The following AMPH variants were observed in gnomAD, a reference collection of about 807,000 sequenced individuals.
The protein encoded by AMPH is amphiphysin, also known as amphiphysin (Stiff-Mann syndrome with breast cancer 128kD autoantigen).
In AMPH, 49 loss-of-function variants were observed where a neutral mutation model predicts 99.1. The ratio of observed to expected loss-of-function variants is 0.49; its 90% CI spans 0.39 to 0.63. The LOEUF is 0.63. Ranked by LOEUF, AMPH falls within the 20% of genes least tolerant of loss-of-function variation. The probability of loss-of-function intolerance (pLI) is 0.00; values close to 1 mark genes in which losing one functional copy is unlikely to be tolerated. For synonymous variants in AMPH, 314 were observed against 317.3 expected (o/e 0.99, Z 0.11); for missense variants, 759 against 863.4 (o/e 0.88, Z 1.52).
chr7:38,619,151 CTG>C (rs1295725221), intron 1 of AMPH, among the ~76,000 whole-genome samples: 2 of 152,238 alleles, frequency 1.3e-5, no homozygotes, highest in African/African-American at 4.8e-5. Context: ...ATGATCGTGC[CTG>C]TACTCCAGCC....
intron 2 of AMPH, among the ~76,000 whole-genome samples, chr7:38,534,709 T>C (rs1178478688): frequency 1.3e-5 from 2 of 152,112 alleles, no homozygotes; most frequent in Non-Finnish European, 2.9e-5. Flanking sequence ...GCTAAAGCAG[T>C]CCAGGACAGC....
intron 1 of AMPH, among the ~76,000 whole-genome samples, chr7:38,593,207 A>G (rs1224797887): frequency 6.6e-6 from 1 of 152,256 alleles, no homozygotes; most frequent in Non-Finnish European, 1.5e-5. Flanking sequence ...TCTTAACAAT[A>G]GGGTAAACAT....
rs1461187680 is a variant in AMPH, at chr7:38,479,304, T to A, written c.397-2335A>T. The stretch of plus-strand genomic sequence containing the variant: ...ATTTACAGTACTGAAAAATAAAAGT[T>A]AAAAGAAATCTGCCAACTCAGAATT... On this transcript the variant is annotated intron_variant, in intron 5 of 20. Transcript: ENST00000356264. Among the ~76,000 whole-genome samples the A allele has an allele frequency of 1.2e-4, 18 of 151,880 alleles. 1 individual carries two copies. Among genetic ancestry groups the A allele is most frequent in the Admixed American group, 1.2e-3 (18 of 15,240 alleles).
At chr7:38,388,797 A>G (rs1223001647) in intron 20 of AMPH, among the ~76,000 whole-genome samples, 3 of 151,778 alleles carry the variant, frequency 2.0e-5, no homozygotes, top group Non-Finnish European at 4.4e-5. Context: ...ACACTGCTGC[A>G]CCCAGCTAAT....
chr7:38,556,498 G>A (rs1791368687), intron 1 of AMPH, among the ~76,000 whole-genome samples: 1 of 152,200 alleles, frequency 6.6e-6, no homozygotes, highest in Admixed American at 6.5e-5. Flanking sequence ...TACCAGCGAA[G>A]GCCCTCACTC....
intron 11 of AMPH, among the ~76,000 whole-genome samples, chr7:38,440,059 G>A (rs2392575): frequency 0.64 from 97,854 of 152,042 alleles, 32,907 homozygotes; most frequent in East Asian, 0.87. Context: ...GCCATTCACC[G>A]TGAAAAGTAG....
chr7:38,486,738 T>C (rs1454534651), intron 5 of AMPH, among the ~76,000 whole-genome samples: 1 of 152,000 alleles, frequency 6.6e-6, no homozygotes, highest in Non-Finnish European at 1.5e-5. Flanking sequence ...CATGACCAAG[T>C]AGGATTCATT....
At chr7:38,458,555 C>T (rs1787318474) in intron 11 of AMPH, among the ~76,000 whole-genome samples, 2 of 152,162 alleles carry the variant, frequency 1.3e-5, no homozygotes, top group South Asian at 2.1e-4. Flanking sequence ...GATAGTTTAA[C>T]TTATGCAAAA....
chr7:38,573,000 A>C (rs568793201), intron 1 of AMPH, among the ~76,000 whole-genome samples: 90 of 152,274 alleles, frequency 5.9e-4, no homozygotes, highest in African/African-American at 2.0e-3. Context: ...CATCTCCTAC[A>C]CCCAGAGAAT....
chr7:38,553,386 A>G (rs988358803), intron 1 of AMPH, among the ~76,000 whole-genome samples: 5 of 152,178 alleles, frequency 3.3e-5, no homozygotes, highest in Non-Finnish European at 7.4e-5. Flanking sequence ...GGCCCTGGGG[A>G]TCATCACTGT....
At chr7:38,423,915 T>A (rs1279551135) in intron 15 of AMPH, among the ~76,000 whole-genome samples, 1 of 152,058 alleles carries the variant, frequency 6.6e-6, no homozygotes, top group African/African-American at 2.4e-5. Flanking sequence ...TGAAACAGGG[T>A]CCCTGGACTG....
chr7:38,507,668 C>T lies in AMPH; in HGVS notation c.151-3964G>A, dbSNP rs577143912. On this transcript the variant is annotated intron_variant, in intron 2 of 20. Transcript: ENST00000356264. ...TAAAGTATCATTTTAGTAATTCAGC[C>T]GTGAATTATGTATTGCACATGTGTG... Among the ~76,000 whole-genome samples the T allele has an allele frequency of 2.6e-5, 4 of 152,270 alleles. No homozygotes were observed. The South Asian group carries it at 8.3e-4, about 32-fold the overall frequency.
chr7:38,467,587 C>A (rs1462695737), intron 7 of AMPH, among the ~76,000 whole-genome samples: 1 of 151,336 alleles, frequency 6.6e-6, no homozygotes, highest in East Asian at 1.9e-4. Flanking sequence ...AACGTACAAT[C>A]CAGTTAGAGA....
intron 11 of AMPH, among the ~76,000 whole-genome samples, chr7:38,447,070 A>T (rs1417249939): frequency 6.6e-6 from 1 of 151,800 alleles, no homozygotes; most frequent in Non-Finnish European, 1.5e-5. Flanking sequence ...CCCAGGTTGG[A>T]GTGCAATGGC....
At chr7:38,501,442 C>A (rs1789131082) in intron 3 of AMPH, among the ~76,000 whole-genome samples, 1 of 152,128 alleles carries the variant, frequency 6.6e-6, no homozygotes, top group East Asian at 1.9e-4. Flanking sequence ...GCCTCAGCCT[C>A]CCAAAGTGCT....
chr7:38,478,440 T>A (rs1310550173), intron 5 of AMPH, among the ~76,000 whole-genome samples: 1 of 152,214 alleles, frequency 6.6e-6, no homozygotes, highest in African/African-American at 2.4e-5. Context: ...GCTCAGGTCC[T>A]GATTAATTGA....
rs552834790 is a variant in AMPH at position 38,499,414 on chromosome 7, A to T, written c.205+4236T>A. ...AAGCCACCCAGAGATCAGTCACAAT[A>T]AAATGATTAGAATTCATTTAACCCA... On this transcript the variant is annotated intron_variant, in intron 3 of 20. Transcript: ENST00000356264. Among the ~76,000 whole-genome samples the T allele has an allele frequency of 6.6e-5, 10 of 152,324 alleles. No individual in the cohort carries two copies. In the East Asian group the frequency reaches 1.7e-3, roughly 26 times the overall value.
At chr7:38,474,216 G>C (rs1788000860) in intron 7 of AMPH, among the ~76,000 whole-genome samples, 1 of 151,394 alleles carries the variant, frequency 6.6e-6, no homozygotes, top group Non-Finnish European at 1.5e-5. Context: ...AAAGCTTTGA[G>C]GTTTCGGAAC....
At chr7:38,450,567 T>C (rs1261233146) in intron 11 of AMPH, among the ~76,000 whole-genome samples, 1 of 152,206 alleles carries the variant, frequency 6.6e-6, no homozygotes, top group Non-Finnish European at 1.5e-5. Context: ...ACTCCATGTG[T>C]ACGGTCGATT....
Sources: gnomAD v4.1 joint callset for allele counts (sites outside exome capture counted in the v4.1 genomes callset) on GRCh38, gnomAD v4.1.1 for gene constraint, MANE v1.5 for transcripts, NCBI Gene and HGNC (gene_info 2026-07-23, HGNC 2026-07-21) for gene names.